The following KDM5B variants were observed in gnomAD, a reference collection of about 807,000 sequenced individuals.
KDM5B encodes lysine demethylase 5B, also known as lysine-specific demethylase 5B.
KDM5B carries 144 observed loss-of-function variants against 193.4 expected under a neutral mutation model. That is an observed-to-expected ratio of 0.74 (90% CI 0.65 to 0.86). The LOEUF is 0.86. Ranked by LOEUF, KDM5B falls within the 40% of genes least tolerant of loss-of-function variation. The probability of loss-of-function intolerance (pLI) is 0.00; values close to 1 mark genes in which losing one functional copy is unlikely to be tolerated. For synonymous variants in KDM5B, 668 were observed against 682.6 expected (o/e 0.98, Z 0.33); for missense variants, 1,833 against 1,886.9 (o/e 0.97, Z 0.53).
intron 4 of KDM5B, among the ~76,000 whole-genome samples, chr1:202,769,599 G>A (rs1304295417): frequency 6.8e-6 from 1 of 147,224 alleles, no homozygotes; most frequent in African/African-American, 2.5e-5. Context: ...AACCAGGGTG[G>A]CGGATGTTGC....
intron 11 of KDM5B, among the ~76,000 whole-genome samples, chr1:202,754,282 TTC>T (rs1210180970): frequency 1.3e-5 from 2 of 152,246 alleles, no homozygotes. Flanking sequence ...TATATGCCAA[TTC>T]TCTTTCTTGT....
In KDM5B at chr1:202,724,733, CTTGTGTGTGTGT is replaced by C. The variant is rs1474226986; in HGVS notation, c.*4291_*4302del. 1 of 107,842 alleles carries C rather than the reference CTTGTGTGTGTGT, an allele frequency of 9.3e-6. No homozygotes were observed. Among genetic ancestry groups the C allele is most frequent in the Non-Finnish European group, 2.1e-5 (1 of 46,650 alleles). 6.7% of individuals were successfully genotyped at this position (107,842 alleles called of 1,614,324 possible). A position where few individuals can be genotyped will look rare whatever the true frequency, so the allele number is the denominator to read the frequency against. On this transcript the variant is annotated 3_prime_UTR_variant, in exon 27 of 27. Coordinates refer to ENST00000367265, the MANE Select transcript of KDM5B (RefSeq NM_006618.5). ...TTGTCCTGATCATACACAGAAGGGG[CTTGTGTGTGTGT>C]TTGTGTGTGTGTGTGTGTTCACAGC...
chr1:202,745,846 T>C lies in KDM5B; in HGVS notation c.2323+12A>G, dbSNP rs767223095. 14 of 1,613,766 alleles carry C rather than the reference T, an allele frequency of 8.7e-6. No homozygotes were observed. Among genetic ancestry groups the C allele is most frequent in the African/African-American group, 1.3e-5 (1 of 74,930 alleles). ...ATTTGCCAATCACCAAGTCACTTTC[T>C]GTATCACATACTTTTCTTCTTGTTG... On this transcript the variant is annotated intron_variant, in intron 16 of 26. Transcript: ENST00000367265.
chr1:202,764,024 C>T, intron 6 of KDM5B, 25 bp downstream of exon 6: 1 of 1,169,174 alleles, frequency 8.6e-7, no homozygotes, highest in Non-Finnish European at 1.3e-6. Context: ...CTTTTTCTTT[C>T]CTATTCATTG....
intron 13 of KDM5B, 132 bp downstream of exon 13, chr1:202,750,527 G>T: frequency 1.2e-6 from 1 of 810,612 alleles, no homozygotes; most frequent in Non-Finnish European, 1.9e-6. Flanking sequence ...TGCCCACCTT[G>T]GCTTCCGAAA....
chr1:202,778,609 A>G (rs2102307236), intron 1 of KDM5B, among the ~76,000 whole-genome samples: 1 of 152,184 alleles, frequency 6.6e-6, no homozygotes, highest in East Asian at 1.9e-4. Flanking sequence ...TAGATCTTTT[A>G]TTTATTTATT....
intron 1 of KDM5B, among the ~76,000 whole-genome samples, chr1:202,797,915 G>A (rs4950912): frequency 0.61 from 93,301 of 152,188 alleles, 31,517 homozygotes; most frequent in Middle Eastern, 0.77. Flanking sequence ...GACAGGCCGG[G>A]CATAGTGGCT....
intron 1 of KDM5B, among the ~76,000 whole-genome samples, chr1:202,778,701 C>CA (rs1657065517): frequency 6.6e-6 from 1 of 152,210 alleles, no homozygotes; most frequent in South Asian, 2.1e-4. Flanking sequence ...CAGCTCGCTG[C>CA]AGCCTCTGCC....
At chr1:202,738,260 GA>G (rs1021901891) in intron 20 of KDM5B, among the ~76,000 whole-genome samples, 8 of 152,148 alleles carry the variant, frequency 5.3e-5, no homozygotes, top group African/African-American at 1.7e-4. Context: ...AACTCATCCA[GA>G]AGCATGCCCT....
At chr1:202,783,492 A>G (rs1280290009) in intron 1 of KDM5B, among the ~76,000 whole-genome samples, 2 of 151,754 alleles carry the variant, frequency 1.3e-5, no homozygotes, top group African/African-American at 4.8e-5. Flanking sequence ...GCGACAGAGC[A>G]AGACTGTCTC....
chr1:202,750,629 G>T, intron 13 of KDM5B, 30 bp downstream of exon 13: 3 of 1,604,706 alleles, frequency 1.9e-6, no homozygotes, highest in East Asian at 2.2e-5. Context: ...CAATAAATTT[G>T]AAAAGGTTAA....
intron 24 of KDM5B, among the ~76,000 whole-genome samples, chr1:202,731,413 G>C (rs1167295726): frequency 6.6e-6 from 1 of 152,216 alleles, no homozygotes; most frequent in Non-Finnish European, 1.5e-5. Context: ...AACAGTCTGA[G>C]TAGATCAAGG....
At chr1:202,754,470 C>T (rs1285749347) in intron 11 of KDM5B, among the ~76,000 whole-genome samples, 3 of 152,100 alleles carry the variant, frequency 2.0e-5, no homozygotes, top group African/African-American at 4.8e-5. Context: ...CCTCAATGTG[C>T]ACACCAAGAT....
intron 1 of KDM5B, among the ~76,000 whole-genome samples, chr1:202,798,286 C>G (rs1334374307): frequency 6.8e-6 from 1 of 147,432 alleles, no homozygotes; most frequent in African/African-American, 2.5e-5. Context: ...TTTTTTTGTT[C>G]GATTGGTTTT....
chr1:202,740,410 G>A (rs1304713083), intron 20 of KDM5B, among the ~76,000 whole-genome samples: 1 of 120,330 alleles, frequency 8.3e-6, no homozygotes, highest in African/African-American at 2.9e-5. Context: ...GTGGGGGTCT[G>A]ACCCCCCCAC....
chr1:202,795,845 G>C (rs941133196), intron 1 of KDM5B, among the ~76,000 whole-genome samples: 2 of 151,746 alleles, frequency 1.3e-5, no homozygotes, highest in Non-Finnish European at 2.9e-5. Context: ...AATATAGGGA[G>C]TAAAATACAG....
At position 202,729,885 on chromosome 1, in the gene KDM5B, A is replaced by C; in HGVS notation, c.4319T>G (p.Leu1440Arg). Reference protein sequence around the residue: ...MRTPKKKKIKLSHPKDMNNFK... With the variant: ...MRTPKKKKIKRSHPKDMNNFK... Reference sequence around the variant, plus strand: ...ATTGTTCATGTCCTTGGGGTGGCTCAGTTTGATTTTCTTCTTTTTGGGGGT... The same window carrying C: ...ATTGTTCATGTCCTTGGGGTGGCTCCGTTTGATTTTCTTCTTTTTGGGGGT... Residue 1440 changes from leucine to arginine, a missense_variant, in exon 26 of 27, where the codon CTG becomes CGG. Physicochemically the swap from Leu to Arg is moderately radical, Grantham distance 102 (BLOSUM62 -2). This residue lies in a region of KDM5B where 1,379 missense variants were observed against 1,349.6 expected (regional missense o/e 1.02). Transcript: ENST00000367265. 1.9e-6 allele frequency: 3 copies of C among 1,614,126 alleles called. No individual in the cohort carries two copies. The highest frequency in any genetic ancestry group is 2.5e-6 in the Non-Finnish European group (3 of 1,179,998).
At chr1:202,730,138 A>G in intron 25 of KDM5B, 111 bp from the exon 26 acceptor site, 1 of 980,832 alleles carries the variant, frequency 1.0e-6, no homozygotes. Context: ...CCCAATCTAC[A>G]CGGGAAAAAA....
At chr1:202,746,039 A>G in intron 15 of KDM5B, 57 bp from the exon 16 acceptor site, 1 of 1,606,078 alleles carries the variant, frequency 6.2e-7, no homozygotes, top group African/African-American at 1.3e-5. Flanking sequence ...AGAAAACTAG[A>G]TGTTTTATAC....
Sources: gnomAD v4.1 joint callset for allele counts (sites outside exome capture counted in the v4.1 genomes callset) on GRCh38, gnomAD v4.1.1 for gene constraint, gnomAD v4.1.1 regional missense constraint, MANE v1.5 for transcripts, NCBI Gene and HGNC (gene_info 2026-07-23, HGNC 2026-07-21) for gene names.